ADD3: variants seen among roughly 807,000 people sequenced by gnomAD.
ADD3 encodes the protein gamma-adducin.
ADD3 carries 25 observed loss-of-function variants against 80.2 expected under a neutral mutation model. That is an observed-to-expected ratio of 0.31 (90% confidence interval 0.23 to 0.44). ADD3 has a LOEUF of 0.44. Among genes scored for constraint, ADD3 ranks in the 20% least tolerant of loss-of-function variants. ADD3 has a pLI of 1.00. For missense variants in ADD3, 829 were observed against 847.5 expected, an observed-to-expected ratio of 0.98 and a Z score of 0.27; for synonymous variants, 284 against 289.6, an observed-to-expected ratio of 0.98 and a Z score of 0.20.
intron 1 of ADD3, among the ~76,000 whole-genome samples, chr10:110,063,708 A>T (rs1843474405): frequency 7.3e-6 from 1 of 136,218 alleles, no homozygotes; most frequent in Non-Finnish European, 1.6e-5. Flanking sequence ...ATAACAGTAC[A>T]GCTTGATGAA....
At chr10:110,082,691 A>G (rs1846211082) in intron 1 of ADD3, among the ~76,000 whole-genome samples, 1 of 152,242 alleles carries the variant, frequency 6.6e-6, no homozygotes, top group African/African-American at 2.4e-5. Flanking sequence ...TTTTTGTATC[A>G]TTATTTGTAC....
At position 110,107,773 on chromosome 10, in the gene ADD3, A is replaced by G. The variant is rs1250102501; in HGVS notation, c.196-5004A>G. Among the ~76,000 whole-genome samples, 3 of 152,220 alleles carry G rather than the reference A, an allele frequency of 2.0e-5. No homozygotes were observed. In the East Asian group the frequency reaches 5.8e-4, roughly 29 times the overall value. On this transcript the variant is annotated intron_variant, in intron 2 of 14. Coordinates refer to ENST00000356080, the MANE Select transcript of ADD3 (RefSeq NM_016824.5). ...AAAATAACATAAGAGCATGCAGTACAGCACGCAGCACGTAGTCGGCAACTG... is the reference window on the plus strand; with the variant it reads ...AAAATAACATAAGAGCATGCAGTACGGCACGCAGCACGTAGTCGGCAACTG...
chr10:110,043,031 A>G (rs1856547538), intron 1 of ADD3, among the ~76,000 whole-genome samples: 1 of 152,210 alleles, frequency 6.6e-6, no homozygotes, highest in Non-Finnish European at 1.5e-5. Flanking sequence ...CTGGCCTAGT[A>G]ATGATTAATC....
chr10:110,019,964 G>C (rs1411024076), intron 1 of ADD3, among the ~76,000 whole-genome samples: 1 of 152,192 alleles, frequency 6.6e-6, no homozygotes, highest in Non-Finnish European at 1.5e-5. Flanking sequence ...TAGAGCCTTT[G>C]GCAAAGGACA....
rs749718304 is a variant in ADD3, at chr10:110,124,008, C to T, written c.1144-9C>T. The T allele has an allele frequency of 6.2e-7, 1 of 1,609,154 alleles. No homozygotes were observed. The highest frequency in any genetic ancestry group is 8.5e-7 in the Non-Finnish European group (1 of 1,176,230). The stretch of plus-strand genomic sequence containing the variant: ...TTGATGCTTCAAATGTGGCTTTTCC[C>T]TCCCTTAGGGGTATAGAACAGGCTA... On this transcript the variant is annotated splice_polypyrimidine_tract_variant and intron_variant, in intron 9 of 14. Transcript: ENST00000356080.
chr10:110,109,249 T>C (rs901049842), intron 2 of ADD3, among the ~76,000 whole-genome samples: 3 of 152,140 alleles, frequency 2.0e-5, no homozygotes, highest in Non-Finnish European at 4.4e-5. Context: ...CTAAAAACCA[T>C]TGTAAATCAA....
intron 1 of ADD3, among the ~76,000 whole-genome samples, chr10:110,040,741 GGAGA>G (rs1377405795): frequency 1.3e-5 from 2 of 152,060 alleles, no homozygotes; most frequent in African/African-American, 4.8e-5. Flanking sequence ...AAGTATGCCA[GGAGA>G]GAGAGAGTGC....
intron 1 of ADD3, among the ~76,000 whole-genome samples, chr10:110,014,755 A>G (rs7099604): frequency 0.28 from 42,166 of 150,840 alleles, 8,809 homozygotes; most frequent in African/African-American, 0.58. Context: ...TCGAACTCCC[A>G]ACCTCAGGTG....
intron 1 of ADD3, among the ~76,000 whole-genome samples, chr10:110,058,266 T>C (rs1350574664): frequency 1.3e-5 from 2 of 152,150 alleles, no homozygotes; most frequent in African/African-American, 4.8e-5. Flanking sequence ...TTCTGTGTGA[T>C]GCAGTCAGTT....
At chr10:110,091,549 A>G (rs1309998947) in intron 1 of ADD3, among the ~76,000 whole-genome samples, 1 of 152,206 alleles carries the variant, frequency 6.6e-6, no homozygotes, top group Non-Finnish European at 1.5e-5. Flanking sequence ...TCCCTATTCA[A>G]TAAATGGTGC....
intron 1 of ADD3, among the ~76,000 whole-genome samples, chr10:110,058,714 A>C (rs927070166): frequency 6.6e-6 from 1 of 152,108 alleles, no homozygotes; most frequent in African/African-American, 2.4e-5. Flanking sequence ...GGATATCACT[A>C]TTTCCTTTGT....
At chr10:110,068,937 C>T (rs1589970353) in intron 1 of ADD3, among the ~76,000 whole-genome samples, 1 of 151,898 alleles carries the variant, frequency 6.6e-6, no homozygotes, top group Non-Finnish European at 1.5e-5. Flanking sequence ...ATTAGCTGGG[C>T]GTGGTCATGT....
chr10:110,123,033 A>G lies in ADD3; in HGVS notation c.1143+741A>G, dbSNP rs975722245. 2.6e-5 allele frequency among the ~76,000 whole-genome samples: 4 copies of G among 152,310 alleles called. No individual in the cohort carries two copies. In the South Asian group the frequency reaches 6.2e-4, roughly 24 times the overall value. ...AATACAATGTCCTCTAGGTTCATCCATGTTGTCACATTTGACAGAATTTCT... is the reference window on the plus strand; with the variant it reads ...AATACAATGTCCTCTAGGTTCATCCGTGTTGTCACATTTGACAGAATTTCT... On this transcript the variant is annotated intron_variant, in intron 9 of 14. Transcript: ENST00000356080.
chr10:110,057,321 G>A (rs938666123), intron 1 of ADD3, among the ~76,000 whole-genome samples: 8 of 152,150 alleles, frequency 5.3e-5, no homozygotes, highest in Non-Finnish European at 1.0e-4. Flanking sequence ...AAAGATGCAG[G>A]AAAACAGTTT....
At chr10:110,049,090 A>G (rs1170582015) in intron 1 of ADD3, among the ~76,000 whole-genome samples, 4 of 152,234 alleles carry the variant, frequency 2.6e-5, no homozygotes, top group African/African-American at 9.6e-5. Context: ...GCCAAGTTAC[A>G]GCTCATGCTG....
chr10:110,076,436 T>G (rs1845385586), intron 1 of ADD3, among the ~76,000 whole-genome samples: 1 of 152,222 alleles, frequency 6.6e-6, no homozygotes, highest in Admixed American at 6.5e-5. Context: ...CTTTTTTACA[T>G]GTACATTTCA....
chr10:110,059,386 T>TG (rs1378540842), intron 1 of ADD3, among the ~76,000 whole-genome samples: 2 of 148,484 alleles, frequency 1.3e-5, no homozygotes, highest in Non-Finnish European at 3.0e-5. Flanking sequence ...GCAGGAGAAT[T>TG]GCTTGAACCC....
chr10:110,032,919 G>A (rs997125981), intron 1 of ADD3, among the ~76,000 whole-genome samples: 2 of 152,194 alleles, frequency 1.3e-5, no homozygotes, highest in African/African-American at 4.8e-5. Context: ...TTATGATTAA[G>A]AGAAGTTAGA....
At chr10:110,083,211 C>T (rs1030403774) in intron 1 of ADD3, among the ~76,000 whole-genome samples, 1 of 152,084 alleles carries the variant, frequency 6.6e-6, no homozygotes, top group African/African-American at 2.4e-5. Context: ...GGAAAGTCAC[C>T]ATGGAAGGGG....
Sources: allele counts gnomAD v4.1 joint callset (sites outside exome capture counted in the v4.1 genomes callset), GRCh38; gene constraint gnomAD v4.1.1; transcripts MANE v1.5; gene names NCBI Gene and HGNC (gene_info 2026-07-23, HGNC 2026-07-21).